ART4: variants seen among roughly 807,000 people sequenced by gnomAD.
ART4 encodes the protein ecto-ADP-ribosyltransferase 4.
A neutral mutation model predicts 24.2 loss-of-function variants in ART4; 14 were observed. The observed-to-expected ratio is 0.58, with a 90% CI of 0.38 to 0.90. The LOEUF is 0.90. Ranked by LOEUF, ART4 falls within the 40% of genes least tolerant of loss-of-function variation. The pLI is 0.00. For missense variants in ART4, 356 were observed against 366.6 expected, an observed-to-expected ratio of 0.97 and a Z score of 0.24; for synonymous variants, 145 against 139.9, an observed-to-expected ratio of 1.04 and a Z score of -0.26.
intron 2 of ART4, among the ~76,000 whole-genome samples, chr12:14,836,723 G>A (rs1950433500): frequency 6.6e-6 from 1 of 152,138 alleles, no homozygotes; most frequent in Non-Finnish European, 1.5e-5. Flanking sequence ...GGGATCAAAG[G>A]AAGAAAGGCA....
chr12:14,829,362 A>C lies in ART4; in HGVS notation c.*9T>G. 1 of 1,522,652 alleles carries C rather than the reference A, an allele frequency of 6.6e-7. No individual in the cohort carries two copies. The highest frequency in any genetic ancestry group is 1.4e-5 in the South Asian group (1 of 73,146). The allele number at this position is 1,522,652 out of a possible 1,614,324, so 94.3% of individuals were successfully genotyped here. A position where few individuals can be genotyped will look rare whatever the true frequency, so the allele number is the denominator to read the frequency against. ...ATTTTTTTTAAATAAAAGGAGCCACAAGATTTCTTTATACTCTGCTTTTGG... is the reference window on the plus strand; with the variant it reads ...ATTTTTTTTAAATAAAAGGAGCCACCAGATTTCTTTATACTCTGCTTTTGG... On this transcript the variant is annotated 3_prime_UTR_variant, in exon 3 of 3. Transcript: ENST00000228936.
At position 14,828,657 on chromosome 12, in the gene ART4, A is replaced by G. The variant is rs1396933265; in HGVS notation, c.*714T>C. Reference sequence around the variant, plus strand: ...AAGGAAGAGTGCTTGTATTCGTTGGAACTTCAACTGCTTGATGCTTGACAT... The same window carrying G: ...AAGGAAGAGTGCTTGTATTCGTTGGGACTTCAACTGCTTGATGCTTGACAT... On this transcript the variant is annotated 3_prime_UTR_variant, in exon 3 of 3. Transcript: ENST00000228936. 6.6e-6 allele frequency: 1 copy of G among 152,202 alleles called. No individual in the cohort carries two copies. Among genetic ancestry groups the G allele is most frequent in the Non-Finnish European group, 1.5e-5 (1 of 68,042 alleles). The allele number at this position is 152,202 out of a possible 1,614,324, so 9.4% of individuals were successfully genotyped here.
intron 1 of ART4, among the ~76,000 whole-genome samples, chr12:14,841,490 G>GTTT (rs1863052111): frequency 6.6e-6 from 1 of 152,144 alleles, no homozygotes; most frequent in Non-Finnish European, 1.5e-5. Flanking sequence ...TACACTTTCT[G>GTTT]TTTCCTCTAC....
Position 14,840,756 on chromosome 12 carries a change from A to G in ART4, c.542T>C (p.Leu181Pro), listed in dbSNP as rs1380528628. ...CGTCCTATAATGCACCTCATAGCAC[A>G]GAGTGCCATTCTCCATGATGCTGTC... ...RKDSIMENGT[L>P]CYEVHYRTKD... The change falls in exon 2 of 3, where the codon CTG becomes CCG. Residue 181 changes from leucine (L) to proline (P), a missense_variant. Leu to Pro is a moderately conservative substitution (Grantham distance 98, BLOSUM62 -3). Transcript: ENST00000228936. The G allele has an allele frequency of 6.2e-7, 1 of 1,614,208 alleles. No homozygotes were observed. The highest frequency in any genetic ancestry group is 1.3e-5 in the African/African-American group (1 of 75,064).
intron 1 of ART4, 98 bp downstream of exon 1, chr12:14,842,872 G>T: frequency 7.3e-7 from 1 of 1,378,212 alleles, no homozygotes; most frequent in Non-Finnish European, 9.7e-7. Flanking sequence ...ACTAGATTCT[G>T]AATGCCTAAG....
intron 1 of ART4, among the ~76,000 whole-genome samples, chr12:14,842,004 A>C (rs866997751): frequency 9.8e-5 from 15 of 152,326 alleles, no homozygotes; most frequent in Middle Eastern, 3.4e-3. Context: ...AGGGTTGGAC[A>C]GTGGTCAGGA....
rs771582671 is a variant in ART4, at chr12:14,842,950, C to T, written c.144+20G>A. 6.2e-7 allele frequency: 1 copy of T among 1,602,678 alleles called. No homozygotes were observed. Among genetic ancestry groups the T allele is most frequent in the South Asian group, 1.1e-5 (1 of 89,674 alleles). On this transcript the variant is annotated intron_variant, in intron 1 of 2. Transcript: ENST00000228936. ...GGAGCACTGATCATAAAGAGATCAC[C>T]CCCTCAATTGTCCCCCTACCTCAGA...
rs1863079214 is a variant in ART4 at position 14,843,090 on chromosome 12, G to C, written c.24C>G (p.Cys8Trp). MGPLINR[C>W]KKILLPTTVP... ...CAGTAGTTGGGAGAAGAATCTTCTT[G>C]CATCTGTTGATCAATGGACCCATTT... is the stretch of plus-strand genomic sequence containing the variant. Residue 8 changes from cysteine to tryptophan, a missense_variant, in exon 1 of 3, where the codon TGC (cysteine) becomes TGG (tryptophan). Transcript: ENST00000228936. 1 of 1,614,050 alleles carries C rather than the reference G, an allele frequency of 6.2e-7. No individual in the cohort carries two copies. The highest frequency in any genetic ancestry group is 2.2e-5 in the East Asian group (1 of 44,892).
At chr12:14,841,987 T>C (rs1488357612) in intron 1 of ART4, among the ~76,000 whole-genome samples, 1 of 151,980 alleles carries the variant, frequency 6.6e-6, no homozygotes, top group East Asian at 1.9e-4. Flanking sequence ...GACAGCAGAG[T>C]GAGTCAAGGG....
chr12:14,834,497 A>C (rs1009860246), intron 2 of ART4, among the ~76,000 whole-genome samples: 2 of 152,238 alleles, frequency 1.3e-5, no homozygotes, highest in African/African-American at 4.8e-5. Context: ...GTTTTTAAAA[A>C]GTGAAGTTTA....
At chr12:14,838,025 G>A (rs1264124877) in intron 2 of ART4, among the ~76,000 whole-genome samples, 5 of 152,236 alleles carry the variant, frequency 3.3e-5, no homozygotes, top group South Asian at 2.1e-4. Flanking sequence ...AATACTAGTC[G>A]AGTTCCTGCC....
rs1950358144 is a variant in ART4, at chr12:14,826,073, T to G, written c.*3298A>C. 6.6e-6 allele frequency: 1 copy of G among 152,224 alleles called. No homozygotes were observed. Among genetic ancestry groups the G allele is most frequent in the Admixed American group, 6.5e-5 (1 of 15,286 alleles). 9.4% of individuals were successfully genotyped at this position (152,224 alleles called of 1,614,324 possible). ...GAGCATCCGCCTTATCTTTGGAAGA[T>G]ATCCCAGGCTAACAAATTTATCCCA... On this transcript the variant is annotated 3_prime_UTR_variant, in exon 3 of 3. Coordinates refer to ENST00000228936, the MANE Select transcript of ART4 (RefSeq NM_021071.4).
At chr12:14,830,626 GTGTA>G (rs1950388694) in intron 2 of ART4, among the ~76,000 whole-genome samples, 1 of 126,270 alleles carries the variant, frequency 7.9e-6, no homozygotes, top group East Asian at 2.4e-4. Context: ...TACTCTGTGT[GTGTA>G]TGTGTGTACT....
chr12:14,843,156 A>G lies in ART4; in HGVS notation c.-43T>C. 6.2e-7 allele frequency: 1 copy of G among 1,609,710 alleles called. No homozygotes were observed. The highest frequency in any genetic ancestry group is 1.3e-5 in the African/African-American group (1 of 74,938). Reference sequence around the variant, plus strand: ...ACTTCTCCTTTGCCCTTGCAGCTTCATCCTGAGATGAATTCTCAGAGTTCT... The same window carrying G: ...ACTTCTCCTTTGCCCTTGCAGCTTCGTCCTGAGATGAATTCTCAGAGTTCT... On this transcript the variant is annotated 5_prime_UTR_variant, in exon 1 of 3. An upstream start codon of the reference 5' UTR is lost. Transcript: ENST00000228936.
chr12:14,830,119 AGTGTGTGT>A (rs113436435), intron 2 of ART4, among the ~76,000 whole-genome samples: 78 of 145,726 alleles, frequency 5.4e-4, no homozygotes, highest in Admixed American at 1.1e-3. Context: ...TCCTGTTTGG[AGTGTGTGT>A]GTGTGTGTGT....
chr12:14,840,022 A>G (rs12829642), intron 2 of ART4, among the ~76,000 whole-genome samples: 51,672 of 152,084 alleles, frequency 0.34, 9,321 homozygotes, highest in Middle Eastern at 0.39. Context: ...CTGTATTTCC[A>G]GGGCCCCCAT....
intron 2 of ART4, among the ~76,000 whole-genome samples, chr12:14,838,505 C>G (rs1438558785): frequency 1.3e-5 from 2 of 152,136 alleles, no homozygotes; most frequent in Non-Finnish European, 2.9e-5. Flanking sequence ...CATTTATTAT[C>G]AAAATCTCAC....
rs1950463799 is a variant in ART4, at chr12:14,840,718, A to G, written c.580T>C (p.Phe194Leu). Residue 194 changes from phenylalanine (F) to leucine (L), a missense_variant, in exon 2 of 3, where the codon TTT becomes CTT. Physicochemically the swap from Phe to Leu is conservative, Grantham distance 22. Coordinates refer to ENST00000228936, the MANE Select transcript of ART4 (RefSeq NM_021071.4). Reference protein sequence around the residue: ...EVHYRTKDVHFNAYTGATIRF... With the variant: ...EVHYRTKDVHLNAYTGATIRF... ...ATGGTGGCCCCTGTGTAGGCATTAA[A>G]GTGGACATCCTTCGTCCTATAATGC... is the stretch of plus-strand genomic sequence containing the variant. The G allele has an allele frequency of 1.9e-6, 3 of 1,614,198 alleles. No individual in the cohort carries two copies. In the East Asian group the frequency reaches 6.7e-5, roughly 36 times the overall value.
At chr12:14,842,183 T>C (rs907343138) in intron 1 of ART4, among the ~76,000 whole-genome samples, 1 of 152,362 alleles carries the variant, frequency 6.6e-6, no homozygotes, top group African/African-American at 2.4e-5. Context: ...ATATAAATTA[T>C]ATAAATTCTA....
Sources: gnomAD v4.1 joint callset for allele counts (sites outside exome capture counted in the v4.1 genomes callset) on GRCh38, gnomAD v4.1.1 for gene constraint, MANE v1.5 for transcripts, NCBI Gene and HGNC (gene_info 2026-07-23, HGNC 2026-07-21) for gene names.